The following COL6A3 variants were observed in gnomAD, a reference collection of about 807,000 sequenced individuals.
COL6A3 encodes the protein collagen type VI alpha 3 chain.
Under a neutral mutation model 274.1 loss-of-function variants are expected in COL6A3, and 137 were observed. That is an observed-to-expected ratio of 0.50 (90% CI 0.44 to 0.58). COL6A3 has a LOEUF of 0.58. Among genes scored for constraint, COL6A3 ranks in the 20% least tolerant of loss-of-function variants. The pLI is 0.00. For missense variants in COL6A3, 3,950 were observed against 4,124.9 expected (o/e 0.96, Z 1.16); for synonymous variants, 1,650 against 1,650.6 (o/e 1.00, Z 0.01).
At chr2:237,399,341 T>C (rs1484030070) in intron 1 of COL6A3, among the ~76,000 whole-genome samples, 2 of 152,200 alleles carry the variant, frequency 1.3e-5, no homozygotes, top group African/African-American at 4.8e-5. Flanking sequence ...TTTCCTCCTC[T>C]ATAACACAGA....
Position 237,351,122 on chromosome 2 carries a change from A to G in COL6A3, c.6816+8T>C, listed in dbSNP as rs2077197441. 1 of 1,614,156 alleles carries G rather than the reference A, an allele frequency of 6.2e-7. No homozygotes were observed. Among genetic ancestry groups the G allele is most frequent in the Non-Finnish European group, 8.5e-7 (1 of 1,179,954 alleles). ...CCTCAGGAAAGCTCTACCTTTCTAAAGACAAACCTTTCTTCCCAGTGGACC... is the reference window on the plus strand; with the variant it reads ...CCTCAGGAAAGCTCTACCTTTCTAAGGACAAACCTTTCTTCCCAGTGGACC... On this transcript the variant is annotated splice_region_variant and intron_variant, in intron 27 of 43. Coordinates refer to ENST00000295550, the MANE Select transcript of COL6A3 (RefSeq NM_004369.4).
Position 237,344,266 on chromosome 2 carries a change from C to T in COL6A3, c.7668+84G>A. 6.2e-7 allele frequency: 1 copy of T among 1,603,740 alleles called. No homozygotes were observed. Among genetic ancestry groups the T allele is most frequent in the East Asian group, 2.2e-5 (1 of 44,834 alleles). On this transcript the variant is annotated intron_variant, in intron 36 of 43. Coordinates refer to ENST00000295550, the MANE Select transcript of COL6A3 (RefSeq NM_004369.4). The surrounding 1 kb of genome is among the most constrained non-coding windows in gnomAD (Gnocchi z 4.8). ...TTTTAGGAGCTATGGGACATGAAGC[C>T]ACAAAGGAGCATGGACGTGTCTGAG...
intron 9 of COL6A3, among the ~76,000 whole-genome samples, chr2:237,369,781 T>C (rs920353767): frequency 6.6e-6 from 1 of 152,134 alleles, no homozygotes; most frequent in Non-Finnish European, 1.5e-5. Context: ...TGCTCACACA[T>C]CTCTAGCATT....
intron 20 of COL6A3, 70 bp downstream of exon 20, chr2:237,358,964 GA>G: frequency 6.4e-7 from 1 of 1,566,770 alleles, no homozygotes. Flanking sequence ...TATGAGGAAA[GA>G]AAATAACTAT....
intron 9 of COL6A3, among the ~76,000 whole-genome samples, chr2:237,370,453 G>A (rs995780390): frequency 3.3e-5 from 5 of 151,916 alleles, no homozygotes; most frequent in African/African-American, 1.2e-4. Flanking sequence ...TGACCAGGCT[G>A]GTCTCGAACT....
At chr2:237,389,873 T>C (rs2106381286) in intron 3 of COL6A3, among the ~76,000 whole-genome samples, 1 of 152,366 alleles carries the variant, frequency 6.6e-6, no homozygotes, top group South Asian at 2.1e-4. Flanking sequence ...AAAAGTTTTA[T>C]ATAAGACTAG....
Position 237,381,089 on chromosome 2 carries a change from T to A in COL6A3, c.1723A>T (p.Ser575Cys), listed in dbSNP as rs2077991712. Reference protein sequence around the residue: ...ISQPAQELKRSSIMAFAIGNK... With the variant: ...ISQPAQELKRCSIMAFAIGNK... Reference sequence around the variant, plus strand: ...CCAATGGCAAAGGCCATTATGCTGCTTCTCTTCAGCTCCTGGGCAGGCTGG... The same window carrying A: ...CCAATGGCAAAGGCCATTATGCTGCATCTCTTCAGCTCCTGGGCAGGCTGG... Residue 575 changes from serine (S) to cysteine (C), a missense_variant, in exon 5 of 44, where the codon AGC becomes TGC. Ser to Cys is a moderately radical substitution (Grantham distance 112). This residue lies in a region of COL6A3 where 1,934 missense variants were observed against 1,984.3 expected (regional missense o/e 0.97). Coordinates refer to ENST00000295550, the MANE Select transcript of COL6A3 (RefSeq NM_004369.4). The A allele has an allele frequency of 6.2e-7, 1 of 1,614,146 alleles. No individual in the cohort carries two copies. Among genetic ancestry groups the A allele is most frequent in the African/African-American group, 1.3e-5 (1 of 74,962 alleles).
intron 40 of COL6A3, 89 bp downstream of exon 40, chr2:237,336,046 A>G: frequency 2.0e-6 from 3 of 1,491,096 alleles, no homozygotes; most frequent in Non-Finnish European, 2.8e-6. Flanking sequence ...CTGTATTCTG[A>G]GTGTGTTACA....
chr2:237,330,186 A>G (rs776232125), intron 42 of COL6A3: 13 of 152,228 alleles, frequency 8.5e-5, no homozygotes, highest in Non-Finnish European at 1.5e-4. Flanking sequence ...ATGCATAGAA[A>G]ATATCTATCC....
rs1405094258 is a variant in COL6A3, at chr2:237,372,092, G to T, written c.3925C>A (p.Gln1309Lys). ...VQRLRPKGGR[Q>K]INVGNALEYV... The stretch of plus-strand genomic sequence containing the variant: ...TCCAGGGCATTGCCCACGTTGATCT[G>T]CCGCCCTCCCTTGGGCCTCAGCCGC... Residue 1309 changes from glutamine to lysine, a missense_variant, in exon 9 of 44, where the codon CAG becomes AAG. Coordinates refer to ENST00000295550, the MANE Select transcript of COL6A3 (RefSeq NM_004369.4). The T allele has an allele frequency of 6.2e-7, 1 of 1,614,008 alleles. No individual in the cohort carries two copies. The highest frequency in any genetic ancestry group is 1.1e-5 in the South Asian group (1 of 91,082).
chr2:237,371,515 T>G lies in COL6A3; in HGVS notation c.4285+217A>C. 1 of 1,038,328 alleles carries G rather than the reference T, an allele frequency of 9.6e-7. No homozygotes were observed. The highest frequency in any genetic ancestry group is 1.3e-6 in the Non-Finnish European group (1 of 768,712). 64.3% of individuals were successfully genotyped at this position (1,038,328 alleles called of 1,614,324 possible). On this transcript the variant is annotated intron_variant, in intron 9 of 43. Coordinates refer to ENST00000295550, the MANE Select transcript of COL6A3 (RefSeq NM_004369.4). The surrounding 1 kb of genome is among the most constrained non-coding windows in gnomAD (Gnocchi z 4.3). ...GAGGAGGCTGAAGTGGGAGGTTGGC[T>G]GGATCCCAGAAGGCAGAGGTTAAAA...
chr2:237,338,235 T>A (rs1341532128), intron 39 of COL6A3, among the ~76,000 whole-genome samples: 2 of 152,202 alleles, frequency 1.3e-5, no homozygotes, highest in Admixed American at 1.3e-4. Flanking sequence ...TGCACACTTG[T>A]CTTCTCTCAG....
intron 21 of COL6A3, among the ~76,000 whole-genome samples, 193 bp from the exon 22 acceptor site, chr2:237,358,075 CTT>C (rs2077357063): frequency 6.6e-6 from 1 of 152,250 alleles, no homozygotes; most frequent in East Asian, 1.9e-4. Flanking sequence ...GCAAAGCACT[CTT>C]AGCCCCAAAC....
intron 8 of COL6A3, 29 bp from the exon 9 acceptor site, chr2:237,372,366 C>T (rs750016808): frequency 3.7e-6 from 6 of 1,600,926 alleles, no homozygotes; most frequent in Non-Finnish European, 8.5e-7. Flanking sequence ...CATGGCTTCA[C>T]CTTCATCGTC....
chr2:237,399,164 T>C (rs751912553), intron 1 of COL6A3, among the ~76,000 whole-genome samples: 2 of 152,162 alleles, frequency 1.3e-5, no homozygotes, highest in Non-Finnish European at 2.9e-5. Context: ...CACGATTCCA[T>C]AGCAACTTTT....
chr2:237,342,710 T>G (rs2077014348), intron 36 of COL6A3: 1 of 158,334 alleles, frequency 6.3e-6, no homozygotes, highest in African/African-American at 2.4e-5. Context: ...AATTAATGAA[T>G]GAACAATTTT....
At chr2:237,396,508 C>A (rs1308043031) in intron 2 of COL6A3, among the ~76,000 whole-genome samples, 1 of 152,130 alleles carries the variant, frequency 6.6e-6, no homozygotes, top group Non-Finnish European at 1.5e-5. Flanking sequence ...TCCAAGATAC[C>A]AAACCCAAGT....
rs375924639 is a variant in COL6A3, at chr2:237,378,988, C to T, written c.2145G>A (p.Ser715=). ...TTAGGGCTGAGCCTGTGTTCAGGCC[C>T]GAACCTCCCTGGAGCTGCAGCTGCC... ...HLRQLQLQGG[S]GLNTGSALSY... is the part of the protein sequence containing the mutation. Residue 715 remains serine, a synonymous_variant, in exon 6 of 44, where the codon TCG becomes TCA. Transcript: ENST00000295550. The T allele has an allele frequency of 2.5e-5, 40 of 1,614,010 alleles. No individual in the cohort carries two copies. The highest frequency in any genetic ancestry group is 1.6e-4 in the Middle Eastern group (1 of 6,084).
intron 36 of COL6A3, chr2:237,343,707 T>C (rs1434420096): frequency 6.3e-6 from 1 of 159,596 alleles, no homozygotes; most frequent in African/African-American, 2.4e-5. Flanking sequence ...TGAGTCGGCA[T>C]AGTTTTGGGG....
Sources: gnomAD v4.1 joint callset for allele counts (sites outside exome capture counted in the v4.1 genomes callset) on GRCh38, gnomAD v4.1.1 for gene constraint, gnomAD v4.1.1 regional missense constraint, Gnocchi (gnomAD v3.1) non-coding constraint, MANE v1.5 for transcripts, NCBI Gene and HGNC (gene_info 2026-07-23, HGNC 2026-07-21) for gene names.